The following MYL3 variants were observed in gnomAD, a reference collection of about 807,000 sequenced individuals.
MYL3 encodes myosin light chain 3.
Under a neutral mutation model 21.3 loss-of-function variants are expected in MYL3, and 11 were observed. The ratio of observed to expected loss-of-function variants is 0.52; its 90% CI spans 0.32 to 0.85. The LOEUF (loss-of-function observed/expected upper bound fraction) is 0.85, where lower values mean the gene tolerates loss of function less well. Ranked by LOEUF, MYL3 falls within the 40% of genes least tolerant of loss-of-function variation. The pLI, the probability that MYL3 is intolerant of heterozygous loss-of-function variation, is 0.03. For missense variants in MYL3, 206 were observed against 253.3 expected (o/e 0.81, Z 1.27); for synonymous variants, 88 against 91.6 (o/e 0.96, Z 0.22).
chr3:46,865,673 C>A (rs1559521453), upstream of MYL3, among the ~76,000 whole-genome samples: 1 of 152,200 alleles, frequency 6.6e-6, no homozygotes. This position sits in a 1 kb window ranked among gnomAD's most constrained non-coding sequence, Gnocchi z 4.3. Context: ...ACAAGAGCAT[C>A]CTGGGCCTCA....
intron 1 of MYL3, among the ~76,000 whole-genome samples, chr3:46,871,670 C>A (rs1221107666): frequency 1.3e-5 from 2 of 152,154 alleles, no homozygotes; most frequent in Non-Finnish European, 2.9e-5. Context: ...TGTAATAACC[C>A]CCTCAGACCA....
At chr3:46,869,373 G>A (rs1326132562) in intron 1 of MYL3, among the ~76,000 whole-genome samples, 1 of 152,196 alleles carries the variant, frequency 6.6e-6, no homozygotes, top group Non-Finnish European at 1.5e-5. Flanking sequence ...GGTGTTCCAT[G>A]AGCCGGCCTT....
rs370857205 is a variant in MYL3, at chr3:46,860,756, C to T, written c.227G>A (p.Cys76Tyr). 1 of 1,614,156 alleles carries T rather than the reference C, an allele frequency of 6.2e-7. No individual in the cohort carries two copies. Among genetic ancestry groups the T allele is most frequent in the African/African-American group, 1.3e-5 (1 of 75,020 alleles). Reference protein sequence around the residue: ...KCEMKITYGQCGDVLRALGQN... With the variant: ...KCEMKITYGQYGDVLRALGQN... Reference sequence around the variant, plus strand: ...GCCCAGCGCCCGCAGGACATCCCCACACTGCCCGTAGGTGATCTTCATCTC... The same window carrying T: ...GCCCAGCGCCCGCAGGACATCCCCATACTGCCCGTAGGTGATCTTCATCTC... Residue 76 changes from cysteine to tyrosine, a missense_variant, in exon 3 of 7, where the codon TGT (cysteine) becomes TAT (tyrosine). Cys to Tyr is a radical substitution (Grantham distance 194). Transcript: ENST00000292327. This position sits in a 1 kb window ranked among gnomAD's most constrained non-coding sequence, Gnocchi z 4.6.
chr3:46,858,936 GACAC>G (rs1394116458), intron 4 of MYL3, among the ~76,000 whole-genome samples: 16 of 152,170 alleles, frequency 1.1e-4, no homozygotes, highest in Middle Eastern at 3.4e-3. Flanking sequence ...CCCACCTTTA[GACAC>G]ACATGCACAC....
rs777888933 is a variant in MYL3, at chr3:46,859,609, G to A, written c.347C>T (p.Pro116Leu). 1.2e-6 allele frequency: 2 copies of A among 1,614,200 alleles called. No individual in the cohort carries two copies. Among genetic ancestry groups the A allele is most frequent in the Non-Finnish European group, 1.7e-6 (2 of 1,180,038 alleles). Residue 116 changes from proline (P) to leucine (L), a missense_variant, in exon 4 of 7, where the codon CCT (proline) becomes CTT (leucine). By Grantham distance (98) the Pro-to-Leu change is moderately conservative. Coordinates refer to ENST00000292327, the MANE Select transcript of MYL3 (RefSeq NM_000258.3). This position sits in a 1 kb window ranked among gnomAD's most constrained non-coding sequence, Gnocchi z 4.1. ...GTTCTTGGAAATGTGCTGGAGCATA[G>A]GCAGGAAAGTTTCAAAGTCCATCAT... ...TKMMDFETFL[P>L]MLQHISKNKD...
chr3:46,859,354 G>T lies in MYL3; in HGVS notation c.481+121C>A, dbSNP rs1284173307. ...AACATTTCTGTTGTCTGCCATTGAG[G>T]CTCCCTAATTATGTAACTCTCTCCA... On this transcript the variant is annotated intron_variant, in intron 4 of 6. Coordinates refer to ENST00000292327, the MANE Select transcript of MYL3 (RefSeq NM_000258.3). The surrounding 1 kb of genome is among the most constrained non-coding windows in gnomAD (Gnocchi z 4.1). The T allele has an allele frequency of 4.7e-6, 6 of 1,283,810 alleles. No homozygotes were observed. The highest frequency in any genetic ancestry group is 6.7e-6 in the Non-Finnish European group (6 of 899,334). The allele number at this position is 1,283,810 out of a possible 1,614,324, so 79.5% of individuals were successfully genotyped here.
intron 1 of MYL3, chr3:46,881,051 C>T (rs998231295): frequency 6.6e-6 from 1 of 152,444 alleles, no homozygotes; most frequent in Non-Finnish European, 1.5e-5. Context: ...GCCAACCTCT[C>T]CATTTTGCAG....
Position 46,860,372 on chromosome 3 carries a change from C to G in MYL3, c.307+304G>C, listed in dbSNP as rs1458362191. Among the ~76,000 whole-genome samples the G allele has an allele frequency of 6.6e-6, 1 of 152,128 alleles. No homozygotes were observed. The highest frequency in any genetic ancestry group is 1.5e-5 in the Non-Finnish European group (1 of 68,016). The stretch of plus-strand genomic sequence containing the variant: ...CACTCCTGGCCTCAAGTGATCCTCC[C>G]AAAGCATTGGGATGACAGCATCCCA... On this transcript the variant is annotated intron_variant, in intron 3 of 6. Coordinates refer to ENST00000292327, the MANE Select transcript of MYL3 (RefSeq NM_000258.3). This position sits in a 1 kb window ranked among gnomAD's most constrained non-coding sequence, Gnocchi z 4.6.
At chr3:46,865,138 C>T (rs1168603878), upstream of MYL3, among the ~76,000 whole-genome samples, 1 of 152,196 alleles carries the variant, frequency 6.6e-6, no homozygotes, top group Non-Finnish European at 1.5e-5. The surrounding 1 kb of genome is among the most constrained non-coding windows in gnomAD (Gnocchi z 4.3). Flanking sequence ...CAGTCCCTCT[C>T]ATCCTGTCAC....
At chr3:46,881,758 G>C (rs1485345217) in intron 1 of MYL3, among the ~76,000 whole-genome samples, 1 of 151,996 alleles carries the variant, frequency 6.6e-6, no homozygotes, top group Non-Finnish European at 1.5e-5. Context: ...CAGCCAAGCC[G>C]GGCTCGGGGC....
At chr3:46,869,126 C>A (rs572244159) in intron 1 of MYL3, among the ~76,000 whole-genome samples, 1 of 152,346 alleles carries the variant, frequency 6.6e-6, no homozygotes, top group South Asian at 2.1e-4. Flanking sequence ...GCCCCTCCCC[C>A]CACAGCATGG....
intron 4 of MYL3, among the ~76,000 whole-genome samples, chr3:46,858,704 G>A (rs929932011): frequency 2.0e-5 from 3 of 152,144 alleles, no homozygotes; most frequent in Non-Finnish European, 4.4e-5. Context: ...GGGTCCCTCC[G>A]CCAGGACGAA....
intron 1 of MYL3, among the ~76,000 whole-genome samples, chr3:46,881,539 G>A (rs1026513973): frequency 6.6e-6 from 1 of 152,194 alleles, no homozygotes; most frequent in African/African-American, 2.4e-5. Flanking sequence ...GGCTGGGCAA[G>A]CTGGAGAGGC....
chr3:46,864,866 G>T (rs928048251), upstream of MYL3, among the ~76,000 whole-genome samples: 1 of 152,230 alleles, frequency 6.6e-6, no homozygotes, highest in Non-Finnish European at 1.5e-5. This position sits in a 1 kb window ranked among gnomAD's most constrained non-coding sequence, Gnocchi z 4.7. Context: ...GGAGGGCTGA[G>T]GTGGCACAAG....
At chr3:46,868,504 G>A (rs1220875021) in intron 1 of MYL3, among the ~76,000 whole-genome samples, 2 of 152,340 alleles carry the variant, frequency 1.3e-5, no homozygotes, top group Middle Eastern at 3.4e-3. Flanking sequence ...GGGCTGGCAG[G>A]CAAACCCTGG....
chr3:46,865,485 A>G (rs1042791150), upstream of MYL3, among the ~76,000 whole-genome samples: 1 of 152,184 alleles, frequency 6.6e-6, no homozygotes, highest in Admixed American at 6.5e-5. This position sits in a 1 kb window ranked among gnomAD's most constrained non-coding sequence, Gnocchi z 4.3. Flanking sequence ...CGGGAGCCCC[A>G]GCCACCCACA....
Position 46,858,292 on chromosome 3 carries a change from G to A in MYL3, c.560-20C>T, listed in dbSNP as rs1701953397. 4 of 1,614,162 alleles carry A rather than the reference G, an allele frequency of 2.5e-6. No individual in the cohort carries two copies. The highest frequency in any genetic ancestry group is 3.4e-6 in the Non-Finnish European group (4 of 1,180,010). On this transcript the variant is annotated intron_variant, in intron 5 of 6. Transcript: ENST00000292327. Reference sequence around the variant, plus strand: ...CAAATGCTGGAAAGAAGAGGAGAGTGAGTGGCAGGAGTGCAACATGGGGAA... The same window carrying A: ...CAAATGCTGGAAAGAAGAGGAGAGTAAGTGGCAGGAGTGCAACATGGGGAA...
chr3:46,858,589 G>T, intron 4 of MYL3, 128 bp from the exon 5 acceptor site: 1 of 913,422 alleles, frequency 1.1e-6, no homozygotes, highest in African/African-American at 1.6e-5. Flanking sequence ...CTGTTCACAA[G>T]ACCTTGGCCA....
chr3:46,869,904 C>T (rs1396258015), intron 1 of MYL3, among the ~76,000 whole-genome samples: 2 of 152,148 alleles, frequency 1.3e-5, no homozygotes, highest in East Asian at 1.9e-4. Context: ...CTGTCTCAGG[C>T]AAACAGTTCA....
Sources: allele counts gnomAD v4.1 joint callset (sites outside exome capture counted in the v4.1 genomes callset), GRCh38; gene constraint gnomAD v4.1.1; non-coding constraint Gnocchi (gnomAD v3.1); transcripts MANE v1.5; gene names NCBI Gene and HGNC (gene_info 2026-07-23, HGNC 2026-07-21).